AK5: variants seen among roughly 807,000 people sequenced by gnomAD.
AK5 encodes adenylate kinase 5, also known as adenylate kinase isoenzyme 5.
In AK5, 27 loss-of-function variants were observed where a neutral mutation model predicts 69.5. The ratio of observed to expected loss-of-function variants is 0.39; its 90% CI spans 0.29 to 0.54. The LOEUF (loss-of-function observed/expected upper bound fraction) is 0.54, where lower values mean the gene tolerates loss of function less well. Among genes scored for constraint, AK5 ranks in the 20% least tolerant of loss-of-function variants. AK5 has a pLI of 0.71. For synonymous variants in AK5, 260 were observed against 244.4 expected (o/e 1.06, Z -0.60); for missense variants, 531 against 700.4 (o/e 0.76, Z 2.73).
chr1:77,538,357 C>CA (rs1367388373), intron 13 of AK5, among the ~76,000 whole-genome samples: 8 of 139,410 alleles, frequency 5.7e-5, no homozygotes, highest in South Asian at 2.3e-4. Context: ...ACAACAACAA[C>CA]AACAAAAAAA....
At chr1:77,554,707 G>A (rs1298522039) in intron 13 of AK5, among the ~76,000 whole-genome samples, 1 of 151,586 alleles carries the variant, frequency 6.6e-6, no homozygotes, top group Non-Finnish European at 1.5e-5. Flanking sequence ...CCGGGTTCAC[G>A]CCATTCTCCT....
At chr1:77,367,537 C>A (rs1415074414) in intron 6 of AK5, among the ~76,000 whole-genome samples, 1 of 64,058 alleles carries the variant, frequency 1.6e-5, no homozygotes, top group Non-Finnish European at 2.9e-5. Context: ...CTATGTTGCC[C>A]AGACTCATTT....
intron 10 of AK5, among the ~76,000 whole-genome samples, chr1:77,494,280 C>A (rs1184896348): frequency 2.0e-5 from 3 of 152,190 alleles, no homozygotes; most frequent in Non-Finnish European, 4.4e-5. Flanking sequence ...AAGGAAATGG[C>A]CAATGTTCCT....
chr1:77,496,322 A>G (rs1656313080), intron 10 of AK5, among the ~76,000 whole-genome samples: 1 of 152,226 alleles, frequency 6.6e-6, no homozygotes, highest in Admixed American at 6.5e-5. Context: ...AATCTGGGTC[A>G]TGAGAGACTG....
At chr1:77,516,141 A>G (rs1364799225) in intron 10 of AK5, among the ~76,000 whole-genome samples, 1 of 152,250 alleles carries the variant, frequency 6.6e-6, no homozygotes, top group Non-Finnish European at 1.5e-5. Context: ...TTATTCAGCC[A>G]TAAAAAGACA....
intron 5 of AK5, among the ~76,000 whole-genome samples, chr1:77,308,671 G>A (rs554004647): frequency 1.1e-3 from 170 of 152,184 alleles, no homozygotes; most frequent in Non-Finnish European, 2.1e-3. Flanking sequence ...TGGGAGTGGG[G>A]CGAAAAGGTG....
intron 6 of AK5, among the ~76,000 whole-genome samples, chr1:77,348,625 T>A (rs1044745289): frequency 6.6e-6 from 1 of 152,200 alleles, no homozygotes; most frequent in Non-Finnish European, 1.5e-5. Flanking sequence ...TCTTTTTAAT[T>A]TTTTTAAAGC....
At chr1:77,523,092 A>G (rs562748143) in intron 12 of AK5, among the ~76,000 whole-genome samples, 15 of 152,250 alleles carry the variant, frequency 9.9e-5, no homozygotes, top group African/African-American at 3.4e-4. Context: ...GAGGTGAATT[A>G]TACTTGTGTG....
chr1:77,485,782 G>A (rs765796268), intron 9 of AK5, among the ~76,000 whole-genome samples: 8 of 152,076 alleles, frequency 5.3e-5, no homozygotes, highest in Admixed American at 2.6e-4. Context: ...AAAGTTGATC[G>A]TGCATGTTAA....
chr1:77,460,145 T>A (rs1653744521), intron 8 of AK5, among the ~76,000 whole-genome samples: 1 of 152,046 alleles, frequency 6.6e-6, no homozygotes, highest in African/African-American at 2.4e-5. Context: ...AAATAAAGAG[T>A]ATTTTAAAAC....
intron 13 of AK5, among the ~76,000 whole-genome samples, chr1:77,538,303 C>T (rs1318128624): frequency 6.6e-6 from 1 of 150,910 alleles, no homozygotes; most frequent in East Asian, 1.9e-4. Flanking sequence ...CGCACCACTG[C>T]ACTCCAGCCT....
At chr1:77,425,442 C>T (rs545470826) in intron 8 of AK5, among the ~76,000 whole-genome samples, 2 of 152,196 alleles carry the variant, frequency 1.3e-5, no homozygotes, top group South Asian at 4.2e-4. Context: ...AAAAAATTGG[C>T]CGGGTATGGT....
chr1:77,554,076 A>G (rs572813904), intron 13 of AK5, among the ~76,000 whole-genome samples: 1 of 152,324 alleles, frequency 6.6e-6, no homozygotes, highest in African/African-American at 2.4e-5. Flanking sequence ...GTGTGATTTC[A>G]TTGATATAAA....
intron 5 of AK5, among the ~76,000 whole-genome samples, chr1:77,302,736 C>T (rs552824921): frequency 9.2e-5 from 14 of 152,228 alleles, no homozygotes; most frequent in South Asian, 4.2e-4. Context: ...TATATCTGCT[C>T]GCAAAGCAGT....
intron 8 of AK5, among the ~76,000 whole-genome samples, chr1:77,468,083 G>T (rs1034483437): frequency 2.6e-5 from 4 of 152,196 alleles, no homozygotes; most frequent in Non-Finnish European, 4.4e-5. Flanking sequence ...GGCCACTTTA[G>T]TACACCAAGC....
At chr1:77,389,725 G>T (rs187649564) in intron 6 of AK5, among the ~76,000 whole-genome samples, 3 of 152,274 alleles carry the variant, frequency 2.0e-5, no homozygotes, top group Admixed American at 2.0e-4. Flanking sequence ...ACTTTGGGAC[G>T]CTGAGACAGA....
At chr1:77,399,734 T>G (rs1209851920) in intron 6 of AK5, among the ~76,000 whole-genome samples, 1 of 152,086 alleles carries the variant, frequency 6.6e-6, no homozygotes, top group Non-Finnish European at 1.5e-5. Flanking sequence ...GGAGACCGAA[T>G]AGTGATGAGA....
intron 12 of AK5, among the ~76,000 whole-genome samples, chr1:77,528,717 G>T (rs1658417974): frequency 6.6e-6 from 1 of 152,216 alleles, no homozygotes; most frequent in African/African-American, 2.4e-5. Context: ...GCATGTAGAT[G>T]TGTGTAATGA....
intron 6 of AK5, among the ~76,000 whole-genome samples, chr1:77,363,248 C>T (rs1646896085): frequency 6.6e-6 from 1 of 152,096 alleles, no homozygotes; most frequent in South Asian, 2.1e-4. Context: ...GGAGTCTGAG[C>T]CAAAAGCTTT....
Sources: allele counts gnomAD v4.1 joint callset (sites outside exome capture counted in the v4.1 genomes callset), GRCh38; gene constraint gnomAD v4.1.1; transcripts MANE v1.5; gene names NCBI Gene and HGNC (gene_info 2026-07-23, HGNC 2026-07-21).